The following CABIN1 variants were observed in gnomAD, a reference collection of about 807,000 sequenced individuals.
CABIN1 encodes the protein calcineurin binding protein 1.
A neutral mutation model predicts 227.7 loss-of-function variants in CABIN1; 133 were observed. The ratio of observed to expected loss-of-function variants is 0.58; its 90% CI spans 0.51 to 0.67. The LOEUF is 0.67. CABIN1 is among the 30% of genes least tolerant of loss of function. The probability of loss-of-function intolerance (pLI) is 0.00; values close to 1 mark genes in which losing one functional copy is unlikely to be tolerated. For synonymous variants in CABIN1, 1,086 were observed against 1,155.1 expected (o/e 0.94, Z 1.21); for missense variants, 2,408 against 2,852.5 (o/e 0.84, Z 3.55).
intron 23 of CABIN1, among the ~76,000 whole-genome samples, chr22:24,089,476 A>C (rs1350812407): frequency 2.0e-5 from 3 of 149,322 alleles, no homozygotes; most frequent in Non-Finnish European, 1.5e-5. Context: ...TTAGGGTGGC[A>C]GGAGAGAGAT....
In CABIN1 at chr22:24,119,460, G is replaced by T. The variant is rs928394659; in HGVS notation, c.4394G>T (p.Cys1465Phe). ...GCTGCAGAAACCCCAGCCTCTGCTT[G>T]CATCCCTGGCAAGCCCTCAGCATCC... ...KPAAETPASACIPGKPSASTP... is the reference protein window; with the variant it reads ...KPAAETPASAFIPGKPSASTP... Residue 1465 changes from cysteine (C) to phenylalanine (F), a missense_variant, in exon 28 of 37, where the codon TGC (cysteine) becomes TTC (phenylalanine). This residue lies in a region of CABIN1 where 649 missense variants were observed against 910.3 expected (regional missense o/e 0.71). Coordinates refer to ENST00000263119, the MANE Select transcript of CABIN1 (RefSeq NM_012295.4). 1.2e-6 allele frequency: 2 copies of T among 1,614,104 alleles called. No homozygotes were observed. The highest frequency in any genetic ancestry group is 2.7e-5 in the African/African-American group (2 of 75,030).
chr22:24,067,699 G>A (rs1186928634), intron 16 of CABIN1, among the ~76,000 whole-genome samples: 1 of 152,128 alleles, frequency 6.6e-6, no homozygotes, highest in Non-Finnish European at 1.5e-5. Context: ...GCCTGCCAGG[G>A]AACTGGCAGC....
In CABIN1 at chr22:24,059,996, A is replaced by G. The variant is rs2039075291; in HGVS notation, c.1472A>G (p.Tyr491Cys). Residue 491 changes from tyrosine (Y) to cysteine (C), a missense_variant, in exon 12 of 37, where the codon TAC becomes TGC. This residue lies in a region of CABIN1 where 1,045 missense variants were observed against 1,168.4 expected (regional missense o/e 0.89). Transcript: ENST00000263119. The part of the protein sequence containing the change: ...NGGILELMMR[Y>C]LKAMGHKFLV... ...GGCATCCTGGAGCTGATGATGCGCT[A>G]CCTGAAAGCCATGGGCCACAAGTTC... 2.5e-6 allele frequency: 4 copies of G among 1,614,040 alleles called. No individual in the cohort carries two copies. In the South Asian group the frequency reaches 4.4e-5, roughly 18 times the overall value.
chr22:24,067,972 T>TAGAATGTAGTAGGTAGA (rs1248664599), intron 16 of CABIN1, among the ~76,000 whole-genome samples: 2 of 152,206 alleles, frequency 1.3e-5, no homozygotes, highest in Admixed American at 6.5e-5. Context: ...CCTGGTCCCT[T>TAGAATGTAGTAGGTAGA]ATGCTTCATC....
intron 33 of CABIN1, among the ~76,000 whole-genome samples, chr22:24,171,201 G>A (rs1022584773): frequency 3.3e-5 from 5 of 152,152 alleles, no homozygotes; most frequent in Admixed American, 6.5e-5. Flanking sequence ...ACTGGGTGCC[G>A]TGGCAGTAGG....
At chr22:24,077,800 C>T (rs1035650815) in intron 19 of CABIN1, among the ~76,000 whole-genome samples, 11 of 152,246 alleles carry the variant, frequency 7.2e-5, no homozygotes, top group African/African-American at 2.6e-4. Flanking sequence ...CTTAGGCTAG[C>T]TTGGGTGGGA....
At chr22:24,105,392 A>G (rs1483639881) in intron 26 of CABIN1, among the ~76,000 whole-genome samples, 1 of 152,208 alleles carries the variant, frequency 6.6e-6, no homozygotes, top group African/African-American at 2.4e-5. Flanking sequence ...GTAACAATAA[A>G]ATATTTATAA....
chr22:24,087,542 T>C lies in CABIN1; in HGVS notation c.3354T>C (p.Ile1118=), dbSNP rs1471027827. The C allele has an allele frequency of 1.9e-6, 3 of 1,614,088 alleles. No individual in the cohort carries two copies. Among genetic ancestry groups the C allele is most frequent in the African/African-American group, 2.7e-5 (2 of 74,944 alleles). Residue 1118 remains isoleucine, a synonymous_variant, in exon 23 of 37, where the codon ATT becomes ATC. Coordinates refer to ENST00000263119, the MANE Select transcript of CABIN1 (RefSeq NM_012295.4). The part of the protein sequence containing the change: ...NSNELKSDGP[I]WKHATPVLNC... ...ATGAGCTGAAGAGTGATGGGCCCATTTGGAAGCATGCCACGCCCGTCTTGA... is the reference window on the plus strand; with the variant it reads ...ATGAGCTGAAGAGTGATGGGCCCATCTGGAAGCATGCCACGCCCGTCTTGA...
chr22:24,155,865 G>T (rs1239296255), intron 29 of CABIN1: 2 of 431,846 alleles, frequency 4.6e-6, no homozygotes, highest in Non-Finnish European at 8.3e-6. Context: ...TCCACAGCCC[G>T]CCACCAGCGG....
At chr22:24,117,338 A>G (rs559121780) in intron 27 of CABIN1, among the ~76,000 whole-genome samples, 1 of 152,308 alleles carries the variant, frequency 6.6e-6, no homozygotes, top group African/African-American at 2.4e-5. Flanking sequence ...AGTAGCTGGA[A>G]CTACAGGTGC....
intron 29 of CABIN1, among the ~76,000 whole-genome samples, chr22:24,140,784 C>T (rs2044707577): frequency 6.6e-6 from 1 of 152,194 alleles, no homozygotes; most frequent in South Asian, 2.1e-4. Flanking sequence ...GTGGGGCAGG[C>T]AGCAATGGTG....
At chr22:24,171,433 G>A (rs547699256) in intron 33 of CABIN1, among the ~76,000 whole-genome samples, 90 of 152,310 alleles carry the variant, frequency 5.9e-4, no homozygotes, top group African/African-American at 2.1e-3. Context: ...CCAGCTGGAG[G>A]TCCTTCCACT....
intron 29 of CABIN1, among the ~76,000 whole-genome samples, chr22:24,147,271 GCCTC>G (rs1256039310): frequency 9.0e-5 from 3 of 33,396 alleles, no homozygotes; most frequent in Admixed American, 4.0e-4. Flanking sequence ...CTCCGTCCCT[GCCTC>G]CCTCCCTCCC....
intron 8 of CABIN1, among the ~76,000 whole-genome samples, chr22:24,051,928 T>G (rs967460324): frequency 4.6e-5 from 7 of 152,126 alleles, no homozygotes; most frequent in African/African-American, 1.4e-4. Context: ...CAGAAATATT[T>G]CCATACCCGA....
chr22:24,165,693 T>G, intron 31 of CABIN1, 67 bp downstream of exon 31: 1 of 1,325,558 alleles, frequency 7.5e-7, no homozygotes, highest in Non-Finnish European at 1.1e-6. Context: ...TCCCAGGTGG[T>G]GGGCCCGATC....
intron 26 of CABIN1, among the ~76,000 whole-genome samples, chr22:24,106,616 G>A (rs971709653): frequency 3.9e-5 from 6 of 152,182 alleles, no homozygotes; most frequent in African/African-American, 1.2e-4. Context: ...CAGGATGAGG[G>A]TCCTTTTCAC....
Position 24,063,124 on chromosome 22 carries a change from A to C in CABIN1, c.1862A>C (p.Lys621Thr). The change falls in exon 14 of 37, where the codon AAG becomes ACG. Residue 621 changes from lysine to threonine, a missense_variant. Physicochemically the swap from Lys to Thr is moderately conservative, Grantham distance 78. Coordinates refer to ENST00000263119, the MANE Select transcript of CABIN1 (RefSeq NM_012295.4). ...TTTGTGGTCCGTGTTTACTGGCTGA[A>C]GGCTCGCTTCCTGGCGCTGCAGGTT... ...LEFVVRVYWL[K>T]ARFLALQGDM... is the part of the protein sequence containing the mutation. 6.2e-7 allele frequency: 1 copy of C among 1,614,044 alleles called. No homozygotes were observed.
chr22:24,038,432 G>T lies in CABIN1; in HGVS notation c.181G>T (p.Glu61Ter). The change falls in exon 4 of 37, where the codon GAG (glutamate) becomes TAG (stop). Residue 61 changes from glutamate to a stop codon, truncating the protein, a stop_gained. Coordinates refer to ENST00000263119, the MANE Select transcript of CABIN1 (RefSeq NM_012295.4). LOFTEE classifies it high-confidence loss of function. ...TGAGGAGTCTGCCAAAGCCTACCATGAGCTCTTGGAGGCGAGCCTGCTGCG... is the reference window on the plus strand; with the variant it reads ...TGAGGAGTCTGCCAAAGCCTACCATTAGCTCTTGGAGGCGAGCCTGCTGCG... ...RFEESAKAYHELLEASLLREA... is the reference protein window; with the variant it reads ...RFEESAKAYH 1 of 1,613,896 alleles carries T rather than the reference G, an allele frequency of 6.2e-7. No individual in the cohort carries two copies. The highest frequency in any genetic ancestry group is 8.5e-7 in the Non-Finnish European group (1 of 1,179,914).
intron 3 of CABIN1, among the ~76,000 whole-genome samples, 158 bp downstream of exon 3, chr22:24,036,339 T>C (rs974221071): frequency 5.9e-5 from 9 of 152,220 alleles, no homozygotes; most frequent in Non-Finnish European, 1.3e-4. Context: ...CCTGTTTTAC[T>C]TAGCAGACGA....
Sources: gnomAD v4.1 joint callset for allele counts (sites outside exome capture counted in the v4.1 genomes callset) on GRCh38, gnomAD v4.1.1 for gene constraint, gnomAD v4.1.1 regional missense constraint, MANE v1.5 for transcripts, NCBI Gene and HGNC (gene_info 2026-07-23, HGNC 2026-07-21) for gene names.